The following TSGA10 variants were observed in gnomAD, a reference collection of about 807,000 sequenced individuals.
TSGA10 encodes the protein testis specific 10.
Under a neutral mutation model 96.6 loss-of-function variants are expected in TSGA10, and 43 were observed. The ratio of observed to expected loss-of-function variants is 0.44; its 90% CI spans 0.35 to 0.57. TSGA10 has a LOEUF of 0.57. Ranked by LOEUF, TSGA10 falls within the 20% of genes least tolerant of loss-of-function variation. The pLI is 0.01. For missense variants in TSGA10, 703 were observed against 834.4 expected (o/e 0.84, Z 1.94); for synonymous variants, 229 against 269.9 (o/e 0.85, Z 1.48).
chr2:99,016,178 G>T (rs1202523312), intron 20 of TSGA10, among the ~76,000 whole-genome samples: 1 of 152,042 alleles, frequency 6.6e-6, no homozygotes, highest in East Asian at 1.9e-4. Flanking sequence ...AACCTCAAAA[G>T]ACCCCACATA....
intron 13 of TSGA10, among the ~76,000 whole-genome samples, chr2:99,072,685 GC>G (rs2086119888): frequency 6.6e-6 from 1 of 152,082 alleles, no homozygotes; most frequent in Admixed American, 6.5e-5. Context: ...TGTTACACAA[GC>G]CTCTGCCTGC....
chr2:99,019,172 T>C (rs1454209312), intron 18 of TSGA10, among the ~76,000 whole-genome samples: 5 of 152,168 alleles, frequency 3.3e-5, no homozygotes, highest in African/African-American at 1.2e-4. Flanking sequence ...ATAGGGAAGA[T>C]AAACATTGAT....
At chr2:99,070,634 T>C (rs1336688815) in intron 14 of TSGA10, among the ~76,000 whole-genome samples, 2 of 152,140 alleles carry the variant, frequency 1.3e-5, no homozygotes, top group African/African-American at 4.8e-5. Flanking sequence ...AGAAACTAAA[T>C]TTCTAGGTTT....
At chr2:99,008,403 A>G (rs2078689361) in intron 20 of TSGA10, among the ~76,000 whole-genome samples, 1 of 152,240 alleles carries the variant, frequency 6.6e-6, no homozygotes, top group South Asian at 2.1e-4. Context: ...ATTCCCAAAA[A>G]GAGATATAAT....
Position 99,150,957 on chromosome 2 carries a change from C to T in TSGA10, c.-621+3736G>A. On this transcript the variant is annotated intron_variant, in intron 1 of 20. Coordinates refer to ENST00000393483, the MANE Select transcript of TSGA10 (RefSeq NM_025244.4). ...GATGGAAGACTATTGCCTTATTTTG[C>T]ACTATTTGTGAATCATCTTACACTG... The T allele has an allele frequency of 4.7e-6, 3 of 643,284 alleles. No individual in the cohort carries two copies. In the Admixed American group the frequency reaches 9.5e-5, roughly 20 times the overall value. 39.8% of individuals were successfully genotyped at this position (643,284 alleles called of 1,614,324 possible).
intron 10 of TSGA10, among the ~76,000 whole-genome samples, chr2:99,086,005 G>A (rs1324094707): frequency 6.6e-6 from 1 of 152,178 alleles, no homozygotes; most frequent in Non-Finnish European, 1.5e-5. Flanking sequence ...CAGATATATG[G>A]TCAATCGATT....
chr2:99,100,360 C>T (rs867274863), intron 10 of TSGA10, among the ~76,000 whole-genome samples: 32 of 151,876 alleles, frequency 2.1e-4, no homozygotes, highest in African/African-American at 4.4e-4. Flanking sequence ...GATTATTGAC[C>T]CTAGAAATAA....
chr2:99,090,665 T>TA (rs955478836), intron 10 of TSGA10, among the ~76,000 whole-genome samples: 73 of 152,052 alleles, frequency 4.8e-4, no homozygotes, highest in African/African-American at 1.6e-3. Context: ...ACAAACAGAA[T>TA]AAAAAACTTT....
intron 1 of TSGA10, chr2:99,150,748 G>A: frequency 6.2e-7 from 1 of 1,613,916 alleles, no homozygotes. Context: ...TGAAGGGACT[G>A]GCACAGGATC....
intron 16 of TSGA10, among the ~76,000 whole-genome samples, chr2:99,052,574 T>A (rs2083504147): frequency 6.6e-6 from 1 of 151,618 alleles, no homozygotes; most frequent in Non-Finnish European, 1.5e-5. Flanking sequence ...CCGTCTCTAC[T>A]AAAAATACAA....
rs200309936 is a variant in TSGA10, at chr2:99,085,609, T to TAAAAAAAAAA, written c.612-4222_612-4213dup. 3.2e-4 allele frequency among the ~76,000 whole-genome samples: 17 copies of TAAAAAAAAAA among 52,470 alleles called. 2 individuals carry two copies. Among genetic ancestry groups the TAAAAAAAAAA allele is most frequent in the African/African-American group, 1.4e-3 (12 of 8,466 alleles). The allele number at this position is 52,470 out of a possible 152,430, so 34.4% of individuals were successfully genotyped here. ...GGGCAACAGAGGGCAATCCTGTCTT[T>TAAAAAAAAAA]AAAAAAAAAAAAAAAAAAAAAAAAA... On this transcript the variant is annotated intron_variant, in intron 10 of 20. Coordinates refer to ENST00000393483, the MANE Select transcript of TSGA10 (RefSeq NM_025244.4).
In TSGA10 at chr2:99,059,068, ATT is replaced by A. The variant is rs1178291447; in HGVS notation, c.1404+5869_1404+5870del. Among the ~76,000 whole-genome samples, 6 of 106,892 alleles carry A rather than the reference ATT, an allele frequency of 5.6e-5. No homozygotes were observed. The East Asian group carries it at 9.4e-4, about 17-fold the overall frequency. 70.1% of individuals were successfully genotyped at this position (106,892 alleles called of 152,430 possible). On this transcript the variant is annotated intron_variant, in intron 16 of 20. Transcript: ENST00000393483. The stretch of plus-strand genomic sequence containing the variant: ...AAAAATAATATATATATATATATAT[ATT>A]TATATATTTTTATATATATATATAT...
At chr2:99,139,398 G>A (rs1449540269) in intron 1 of TSGA10, among the ~76,000 whole-genome samples, 1 of 152,154 alleles carries the variant, frequency 6.6e-6, no homozygotes, top group Non-Finnish European at 1.5e-5. Flanking sequence ...CACATAATAT[G>A]TATTCAACAA....
intron 20 of TSGA10, among the ~76,000 whole-genome samples, chr2:99,015,724 G>A (rs1370465141): frequency 1.3e-5 from 2 of 152,080 alleles, no homozygotes; most frequent in Non-Finnish European, 2.9e-5. Flanking sequence ...CTGACGATAT[G>A]ATCATATACC....
Position 99,018,295 on chromosome 2 carries a change from A to G in TSGA10, c.1977T>C (p.His659=). ...RRQNYSSNAY[H]MSSTMKPNTK... ...TATTTGGCTTCATTGTAGAACTCAT[A>G]TGATAAGCATTACTTGAATAATTTT... The change falls in exon 20 of 21, where the codon CAT becomes CAC. Residue 659 remains histidine, a synonymous_variant. Transcript: ENST00000393483. 11 of 1,614,182 alleles carry G rather than the reference A, an allele frequency of 6.8e-6. No homozygotes were observed. Among genetic ancestry groups the G allele is most frequent in the Non-Finnish European group, 9.3e-6 (11 of 1,180,022 alleles).
intron 10 of TSGA10, among the ~76,000 whole-genome samples, chr2:99,085,239 T>C (rs2104626631): frequency 6.6e-6 from 1 of 151,526 alleles, no homozygotes; most frequent in African/African-American, 2.4e-5. Context: ...AGAGTAAGAC[T>C]CCGTCTCAAA....
At position 99,072,868 on chromosome 2, in the gene TSGA10, T is replaced by C. The variant is rs547424416; in HGVS notation, c.938+150A>G. On this transcript the variant is annotated intron_variant, in intron 13 of 20. Transcript: ENST00000393483. The stretch of plus-strand genomic sequence containing the variant: ...ACTTGGCAAACACCATCCCCTCTTT[T>C]AGTTCCTTAGACAGACTTAGGCCTC... 22 of 523,226 alleles carry C rather than the reference T, an allele frequency of 4.2e-5. No homozygotes were observed. In the South Asian group the frequency reaches 5.4e-4, roughly 13 times the overall value. The allele number at this position is 523,226 out of a possible 1,614,324, so 32.4% of individuals were successfully genotyped here.
intron 15 of TSGA10, 110 bp downstream of exon 15, chr2:99,068,778 T>C: frequency 2.2e-6 from 1 of 451,872 alleles, no homozygotes; most frequent in South Asian, 8.6e-5. Flanking sequence ...TAAAATATAC[T>C]ATGTATTAAA....
chr2:99,141,197 T>A, intron 1 of TSGA10: 1 of 1,174,250 alleles, frequency 8.5e-7, no homozygotes, highest in Non-Finnish European at 1.1e-6. Context: ...CCACTCTCCA[T>A]CCTCCGCCCC....
Sources: gnomAD v4.1 joint callset for allele counts (sites outside exome capture counted in the v4.1 genomes callset) on GRCh38, gnomAD v4.1.1 for gene constraint, MANE v1.5 for transcripts, NCBI Gene and HGNC (gene_info 2026-07-23, HGNC 2026-07-21) for gene names.